SOS2: variants seen among roughly 807,000 people sequenced by gnomAD.
SOS2 encodes the protein son of sevenless homolog 2.
Under a neutral mutation model 148.2 loss-of-function variants are expected in SOS2, and 65 were observed. The ratio of observed to expected loss-of-function variants is 0.44; its 90% CI spans 0.36 to 0.54. The LOEUF is 0.54. Ranked by LOEUF, SOS2 falls within the 20% of genes least tolerant of loss-of-function variation. The pLI, the probability that SOS2 is intolerant of heterozygous loss-of-function variation, is 0.00. For synonymous variants in SOS2, 539 were observed against 537.1 expected (o/e 1.00, Z -0.05); for missense variants, 1,341 against 1,590.2 (o/e 0.84, Z 2.67).
chr14:50,132,517 C>CG (rs1366477351), intron 19 of SOS2, among the ~76,000 whole-genome samples: 2 of 151,834 alleles, frequency 1.3e-5, no homozygotes, highest in East Asian at 3.9e-4. Context: ...AAAAATTAGC[C>CG]GGGCGTAGTG....
chr14:50,182,046 T>C (rs549376678), intron 6 of SOS2, among the ~76,000 whole-genome samples: 1 of 151,790 alleles, frequency 6.6e-6, no homozygotes, highest in Non-Finnish European at 1.5e-5. Context: ...ACTACTCTAG[T>C]ATATAAACTT....
intron 4 of SOS2, among the ~76,000 whole-genome samples, chr14:50,198,935 C>T (rs1163608298): frequency 6.6e-6 from 1 of 152,218 alleles, no homozygotes; most frequent in Non-Finnish European, 1.5e-5. Flanking sequence ...GAGGCAAGCA[C>T]TTGAGCTCAG....
At chr14:50,195,391 G>A (rs1472143560) in intron 4 of SOS2, among the ~76,000 whole-genome samples, 1 of 152,044 alleles carries the variant, frequency 6.6e-6, no homozygotes, top group Admixed American at 6.6e-5. Context: ...GCCACATGAA[G>A]ATTTTTTTAA....
At chr14:50,196,009 A>T (rs1284777348) in intron 4 of SOS2, among the ~76,000 whole-genome samples, 1 of 152,222 alleles carries the variant, frequency 6.6e-6, no homozygotes, top group Non-Finnish European at 1.5e-5. Context: ...CCTGGGCGAC[A>T]GAGTGAGACT....
At position 50,159,704 on chromosome 14, in the gene SOS2, T is replaced by C. The variant is rs770770054; in HGVS notation, c.1579A>G (p.Lys527Glu). The change falls in exon 10 of 23, where the codon AAG becomes GAG. Residue 527 changes from lysine (K) to glutamate (E), a missense_variant. This residue lies in a region of SOS2 where 574 missense variants were observed against 711.1 expected (regional missense o/e 0.81). Coordinates refer to ENST00000216373, the MANE Select transcript of SOS2 (RefSeq NM_006939.4). ...CAGTTGTTTTTTTCTTCAGCAGACT[T>C]AGCAGCAAATATTATGCTGTTCTCA... Reference protein sequence around the residue: ...KDENSIIFAAKSAEEKNNWMA... With the variant: ...KDENSIIFAAESAEEKNNWMA... 1.2e-6 allele frequency: 2 copies of C among 1,614,036 alleles called. No individual in the cohort carries two copies. Among genetic ancestry groups the C allele is most frequent in the Admixed American group, 3.3e-5 (2 of 60,008 alleles).
chr14:50,150,732 A>AT (rs1467414158), intron 13 of SOS2, among the ~76,000 whole-genome samples: 5 of 150,698 alleles, frequency 3.3e-5, no homozygotes, highest in Non-Finnish European at 5.9e-5. Context: ...TAATTTTTGT[A>AT]TTTTTTTTGA....
intron 4 of SOS2, among the ~76,000 whole-genome samples, chr14:50,188,960 AG>A (rs1404739361): frequency 6.6e-6 from 1 of 151,476 alleles, no homozygotes; most frequent in African/African-American, 2.4e-5. Context: ...GCTATTTGGG[AG>A]GCTGAGGCAG....
intron 8 of SOS2, among the ~76,000 whole-genome samples, chr14:50,163,068 AT>A (rs886570917): frequency 0.02 from 2,903 of 146,904 alleles, 97 homozygotes; most frequent in African/African-American, 0.065. Context: ...TGCTTGGCTA[AT>A]TTTTTTTTTT....
intron 1 of SOS2, among the ~76,000 whole-genome samples, chr14:50,206,061 T>C (rs1286836430): frequency 6.6e-6 from 1 of 152,180 alleles, no homozygotes; most frequent in Non-Finnish European, 1.5e-5. Context: ...GGTTTATCAA[T>C]GTTATTAATC....
At chr14:50,121,133 A>G (rs983849653) in intron 21 of SOS2, among the ~76,000 whole-genome samples, 5 of 152,190 alleles carry the variant, frequency 3.3e-5, no homozygotes, top group African/African-American at 7.2e-5. Context: ...GTTATATCAC[A>G]TAACTCTTTG....
intron 4 of SOS2, among the ~76,000 whole-genome samples, chr14:50,189,853 T>TA (rs201148027): frequency 0.016 from 1,978 of 125,724 alleles, 18 homozygotes; most frequent in African/African-American, 0.037. Context: ...ATTTTTTATT[T>TA]TTTTTTTTTT....
chr14:50,143,810 A>G (rs1594968700), intron 16 of SOS2, among the ~76,000 whole-genome samples: 1 of 145,956 alleles, frequency 6.9e-6, no homozygotes, highest in Admixed American at 6.9e-5. Context: ...GGCATGCAAC[A>G]CCATGCCTGG....
intron 4 of SOS2, among the ~76,000 whole-genome samples, chr14:50,190,088 A>C (rs1208478900): frequency 6.6e-6 from 1 of 152,008 alleles, no homozygotes; most frequent in African/African-American, 2.4e-5. Flanking sequence ...TCTGACTTCA[A>C]GTGATCCACC....
chr14:50,227,802 T>C (rs546910712), intron 1 of SOS2, among the ~76,000 whole-genome samples: 163 of 152,258 alleles, frequency 1.1e-3, no homozygotes, highest in African/African-American at 3.5e-3. Flanking sequence ...ATGTTGACAA[T>C]GGTGACTTTG....
At chr14:50,168,993 A>G (rs1885267980) in intron 8 of SOS2, among the ~76,000 whole-genome samples, 1 of 152,208 alleles carries the variant, frequency 6.6e-6, no homozygotes, top group Non-Finnish European at 1.5e-5. Context: ...AGGATACCAT[A>G]TATAGTTACC....
At position 50,157,063 on chromosome 14, in the gene SOS2, C is replaced by T. The variant is rs1190667038; in HGVS notation, c.1993G>A (p.Glu665Lys). 2 of 1,612,646 alleles carry T rather than the reference C, an allele frequency of 1.2e-6. No homozygotes were observed. The highest frequency in any genetic ancestry group is 1.7e-6 in the Non-Finnish European group (2 of 1,179,130). ...DADKLAIEKGEQPISADLKRF... is the reference protein window; with the variant it reads ...DADKLAIEKGKQPISADLKRF... ...TTAAGGTCTGCACTGATTGGCTGCT[C>T]GCCTTTCTCTATTGCCAATTTGTCT... Residue 665 changes from glutamate (E) to lysine (K), a missense_variant, in exon 12 of 23, where the codon GAG (glutamate) becomes AAG (lysine). Coordinates refer to ENST00000216373, the MANE Select transcript of SOS2 (RefSeq NM_006939.4).
At chr14:50,215,740 A>C (rs959444483) in intron 1 of SOS2, among the ~76,000 whole-genome samples, 3 of 152,254 alleles carry the variant, frequency 2.0e-5, no homozygotes, top group Non-Finnish European at 2.9e-5. Flanking sequence ...AAAAACAAAA[A>C]ACAAAATAGT....
intron 7 of SOS2, among the ~76,000 whole-genome samples, chr14:50,175,901 T>C (rs7160339): frequency 0.89 from 134,998 of 152,236 alleles, 59,982 homozygotes; most frequent in African/African-American, 0.92. Flanking sequence ...AGACTTATTA[T>C]CCAGTAACCA....
intron 12 of SOS2, among the ~76,000 whole-genome samples, chr14:50,154,905 T>G (rs921080623): frequency 6.6e-6 from 1 of 152,176 alleles, no homozygotes; most frequent in Non-Finnish European, 1.5e-5. Flanking sequence ...TCAACAAAAG[T>G]ACACTTAAGA....
Sources: allele counts gnomAD v4.1 joint callset (sites outside exome capture counted in the v4.1 genomes callset), GRCh38; gene constraint gnomAD v4.1.1; regional missense constraint gnomAD v4.1.1; transcripts MANE v1.5; gene names NCBI Gene and HGNC (gene_info 2026-07-23, HGNC 2026-07-21).